DHX8: variants seen among roughly 807,000 people sequenced by gnomAD.
DHX8 encodes DEAH-box helicase 8, also known as ATP-dependent RNA helicase DHX8.
A neutral mutation model predicts 140.7 loss-of-function variants in DHX8; 67 were observed. The ratio of observed to expected loss-of-function variants is 0.48; its 90% CI spans 0.39 to 0.58. The LOEUF (loss-of-function observed/expected upper bound fraction) is 0.58. Among genes scored for constraint, DHX8 ranks in the 20% least tolerant of loss-of-function variants. DHX8 has a pLI of 0.00. For missense variants in DHX8, 887 were observed against 1,550.7 expected (o/e 0.57, Z 7.19); for synonymous variants, 533 against 553.2 (o/e 0.96, Z 0.51).
downstream of DHX8, chr17:43,544,505 G>A (rs1489168267): frequency 6.3e-6 from 1 of 158,226 alleles, no homozygotes. Context: ...TTGGTGCTGG[G>A]GGTTGGGAAG....
At chr17:43,494,007 C>A in intron 8 of DHX8, 121 bp downstream of exon 8, 2 of 929,876 alleles carry the variant, frequency 2.2e-6, no homozygotes, top group Non-Finnish European at 1.6e-6. Context: ...TCTGTTTTCA[C>A]ACTCCTGATA....
intron 2 of DHX8, among the ~76,000 whole-genome samples, chr17:43,535,944 C>T (rs557092137): frequency 1.3e-3 from 191 of 152,286 alleles, no homozygotes; most frequent in Non-Finnish European, 1.7e-3. Flanking sequence ...AACCCCATCT[C>T]TACTAAAAAT....
At chr17:43,529,763 G>T, downstream of DHX8, 3 of 1,591,230 alleles carry the variant, frequency 1.9e-6, no homozygotes, top group Non-Finnish European at 1.7e-6. Flanking sequence ...TTCTCGAAGG[G>T]GTCTCCCCAG....
chr17:43,533,756 G>T, intron 2 of DHX8: 2 of 1,441,288 alleles, frequency 1.4e-6, no homozygotes, highest in Non-Finnish European at 1.9e-6. Flanking sequence ...CCTTTCTGTT[G>T]TCTAACTTGC....
chr17:43,504,740 C>T lies in DHX8; in HGVS notation c.1643C>T (p.Ala548Val), dbSNP rs765882907. ...WKKHAFGGNK[A>V]SYGKKTQMSI... is the part of the protein sequence containing the mutation. ...AAGCATGCCTTTGGGGGCAACAAAG[C>T]CTCTTACGGAAAAAAGACCCAGATG... The change falls in exon 12 of 23, where the codon GCC (alanine) becomes GTC (valine). Residue 548 changes from alanine (A) to valine (V), a missense_variant. Coordinates refer to ENST00000262415, the MANE Select transcript of DHX8 (RefSeq NM_004941.3). 2.5e-6 allele frequency: 4 copies of T among 1,614,070 alleles called. No individual in the cohort carries two copies. Among genetic ancestry groups the T allele is most frequent in the Non-Finnish European group, 3.4e-6 (4 of 1,180,014 alleles).
At chr17:43,499,084 C>A in intron 10 of DHX8, 125 bp downstream of exon 10, 1 of 689,350 alleles carries the variant, frequency 1.5e-6, no homozygotes. Context: ...GGCTGTTAGC[C>A]AGGGTCTATA....
chr17:43,526,129 G>A, downstream of DHX8: 1 of 985,344 alleles, frequency 1.0e-6, no homozygotes, highest in Non-Finnish European at 1.2e-6. Flanking sequence ...TGCTCTGAGG[G>A]AGAAGGGGGG....
intron 3 of DHX8, among the ~76,000 whole-genome samples, chr17:43,540,368 G>A (rs1427196372): frequency 1.3e-5 from 2 of 152,158 alleles, no homozygotes; most frequent in East Asian, 1.9e-4. Flanking sequence ...CAGGAGAATC[G>A]CTTGAACCCA....
At position 43,486,163 on chromosome 17, in the gene DHX8, C is replaced by T. The variant is rs183735564; in HGVS notation, c.148+1978C>T. Among the ~76,000 whole-genome samples, 3 of 151,006 alleles carry T rather than the reference C, an allele frequency of 2.0e-5. No homozygotes were observed. The East Asian group carries it at 5.8e-4, about 29-fold the overall frequency. ...CTGAAATCACATCACTGCACTCCAGCCTGGACGAAAAGAGCAAGACTTTAT... is the reference window on the plus strand; with the variant it reads ...CTGAAATCACATCACTGCACTCCAGTCTGGACGAAAAGAGCAAGACTTTAT... On this transcript the variant is annotated intron_variant, in intron 1 of 22. Transcript: ENST00000262415.
At chr17:43,533,140 GA>G (rs778243061) in intron 2 of DHX8, 48 of 1,599,946 alleles carry the variant, frequency 3.0e-5, no homozygotes, top group Non-Finnish European at 3.8e-5. Flanking sequence ...CTCAGGAATT[GA>G]AAAAACACCT....
At position 43,525,646 on chromosome 17, in the gene DHX8, T is replaced by C. The variant is rs1970587874; in HGVS notation, c.*1799T>C. 1 of 985,484 alleles carries C rather than the reference T, an allele frequency of 1.0e-6. No homozygotes were observed. Among genetic ancestry groups the C allele is most frequent in the Non-Finnish European group, 1.2e-6 (1 of 829,982 alleles). 61.0% of individuals were successfully genotyped at this position (985,484 alleles called of 1,614,324 possible). A position where few individuals can be genotyped will look rare whatever the true frequency, so the allele number is the denominator to read the frequency against. ...CCTCCCCAATCTCGTTTTGTTTTTG[T>C]TTTTGTTAAGACAGGATCTTGCCAT... On this transcript the variant is annotated 3_prime_UTR_variant, in exon 23 of 23. Coordinates refer to ENST00000262415, the MANE Select transcript of DHX8 (RefSeq NM_004941.3).
downstream of DHX8, chr17:43,526,449 C>A (rs943941245): frequency 6.5e-7 from 1 of 1,534,390 alleles, no homozygotes; most frequent in African/African-American, 1.4e-5. Context: ...TCCAGGTTTA[C>A]TTCATCCCGC....
At chr17:43,484,304 C>T (rs1168355381) in intron 1 of DHX8, 119 bp downstream of exon 1, 1 of 1,227,054 alleles carries the variant, frequency 8.1e-7, no homozygotes, top group Non-Finnish European at 1.2e-6. Flanking sequence ...CTGTCTCTCT[C>T]TGTCGCAGAC....
chr17:43,492,308 C>T lies in DHX8; in HGVS notation c.503+16C>T, dbSNP rs1598123325. 1.2e-6 allele frequency: 2 copies of T among 1,602,668 alleles called. No homozygotes were observed. Among genetic ancestry groups the T allele is most frequent in the South Asian group, 1.1e-5 (1 of 90,558 alleles). Reference sequence around the variant, plus strand: ...CTGAACACCGGTTTGTCCTTAGTGTCCTGTCCTTTGGAAGTTTAGGGTACT... The same window carrying T: ...CTGAACACCGGTTTGTCCTTAGTGTTCTGTCCTTTGGAAGTTTAGGGTACT... On this transcript the variant is annotated intron_variant, in intron 5 of 22. Transcript: ENST00000262415.
At chr17:43,498,718 A>T in intron 9 of DHX8, 144 bp from the exon 10 acceptor site, 1 of 557,238 alleles carries the variant, frequency 1.8e-6, no homozygotes, top group Non-Finnish European at 3.1e-6. Flanking sequence ...CAAAGTGCTG[A>T]GATTACAGGC....
downstream of DHX8, chr17:43,529,055 T>C: frequency 7.6e-7 from 1 of 1,321,794 alleles, no homozygotes; most frequent in South Asian, 1.2e-5. Context: ...TGCTGAGAAC[T>C]GCCCTGCTGA....
chr17:43,522,890 C>G lies in DHX8; in HGVS notation c.3443+664C>G, dbSNP rs552126316. ...GCCAACCTGACCAACATAGTGAAAC[C>G]ATGTCTCTACTAAAAATACAAAGTT... On this transcript the variant is annotated intron_variant, in intron 22 of 22. Coordinates refer to ENST00000262415, the MANE Select transcript of DHX8 (RefSeq NM_004941.3). 8.6e-5 allele frequency among the ~76,000 whole-genome samples: 13 copies of G among 151,030 alleles called. No individual in the cohort carries two copies. In the South Asian group the frequency reaches 2.7e-3, roughly 31 times the overall value.
intron 2 of DHX8, chr17:43,533,894 G>A (rs1405182867): frequency 6.3e-7 from 1 of 1,599,214 alleles, no homozygotes; most frequent in Non-Finnish European, 8.5e-7. Context: ...GGTGGTAGGG[G>A]AGTGGCGGCT....
chr17:43,485,470 C>A (rs1363070724), intron 1 of DHX8, among the ~76,000 whole-genome samples: 1 of 152,116 alleles, frequency 6.6e-6, no homozygotes, highest in Non-Finnish European at 1.5e-5. Context: ...CTCTTGCCTC[C>A]CAGCCAAGAT....
Sources: allele counts gnomAD v4.1 joint callset (sites outside exome capture counted in the v4.1 genomes callset), GRCh38; gene constraint gnomAD v4.1.1; transcripts MANE v1.5; gene names NCBI Gene and HGNC (gene_info 2026-07-23, HGNC 2026-07-21).